The following PDSS2 variants were observed in gnomAD, a reference collection of about 807,000 sequenced individuals.
The protein encoded by PDSS2 is decaprenyl diphosphate synthase subunit 2.
PDSS2 carries 31 observed loss-of-function variants against 44.5 expected under a neutral mutation model. The ratio of observed to expected loss-of-function variants is 0.70; its 90% CI spans 0.52 to 0.94. The LOEUF (loss-of-function observed/expected upper bound fraction) is 0.94. Ranked by LOEUF, PDSS2 falls within the 40% of genes least tolerant of loss-of-function variation. The pLI is 0.00. For missense variants in PDSS2, 452 were observed against 482.2 expected, an observed-to-expected ratio of 0.94 and a Z score of 0.59; for synonymous variants, 157 against 180.3, an observed-to-expected ratio of 0.87 and a Z score of 1.03.
chr6:107,310,245 A>G (rs1410453050), intron 2 of PDSS2, among the ~76,000 whole-genome samples: 1 of 146,696 alleles, frequency 6.8e-6, no homozygotes, highest in African/African-American at 2.5e-5. Context: ...AGATCACGCT[A>G]CTGCACTCCA....
chr6:107,337,039 C>CCACACACACACACA (rs71861456), intron 1 of PDSS2, among the ~76,000 whole-genome samples: 6 of 141,498 alleles, frequency 4.2e-5, no homozygotes, highest in Admixed American at 1.4e-4. Flanking sequence ...CTTTCACATA[C>CCACACACACACACA]CACACACACA....
chr6:107,424,928 G>A (rs1021900160), intron 1 of PDSS2, among the ~76,000 whole-genome samples: 4 of 152,150 alleles, frequency 2.6e-5, no homozygotes, highest in Admixed American at 2.6e-4. Flanking sequence ...ATGTGCCGTG[G>A]GAGGAACCCA....
intron 7 of PDSS2, among the ~76,000 whole-genome samples, chr6:107,190,097 C>A (rs113906760): frequency 2.7e-5 from 4 of 145,764 alleles, no homozygotes; most frequent in Admixed American, 7.0e-5. Context: ...AAAAAAAAAA[C>A]AAAAATAACC....
At chr6:107,221,006 T>C (rs962943004) in intron 4 of PDSS2, among the ~76,000 whole-genome samples, 4 of 152,080 alleles carry the variant, frequency 2.6e-5, no homozygotes, top group African/African-American at 9.7e-5. Context: ...TATACAGAAT[T>C]GTGAAATGAA....
intron 1 of PDSS2, among the ~76,000 whole-genome samples, chr6:107,418,265 G>A (rs995183192): frequency 2.0e-5 from 3 of 152,178 alleles, no homozygotes; most frequent in Non-Finnish European, 4.4e-5. Context: ...AGGCAGGAGG[G>A]TCAGATTGAG....
chr6:107,244,608 C>G (rs1403227315), intron 4 of PDSS2, among the ~76,000 whole-genome samples: 2 of 152,182 alleles, frequency 1.3e-5, no homozygotes, highest in Admixed American at 6.5e-5. Flanking sequence ...AAGTGCAATT[C>G]TTCATATTCT....
intron 3 of PDSS2, chr6:107,264,385 A>ACTAATG (rs1348361932): frequency 6.5e-7 from 1 of 1,545,392 alleles, no homozygotes; most frequent in South Asian, 1.2e-5. Flanking sequence ...AGTATAAATC[A>ACTAATG]CTAATGCTTA....
intron 2 of PDSS2, among the ~76,000 whole-genome samples, chr6:107,296,577 A>G (rs1582906660): frequency 6.6e-6 from 1 of 152,256 alleles, no homozygotes; most frequent in African/African-American, 2.4e-5. Context: ...AATATAAAAA[A>G]TTAGCTGGGC....
intron 1 of PDSS2, among the ~76,000 whole-genome samples, chr6:107,406,037 T>C (rs1486944953): frequency 6.6e-6 from 1 of 152,130 alleles, no homozygotes; most frequent in East Asian, 1.9e-4. Context: ...TACTTGTACC[T>C]CCTATATTAA....
chr6:107,230,637 G>C (rs1774013240), intron 4 of PDSS2, among the ~76,000 whole-genome samples: 1 of 151,824 alleles, frequency 6.6e-6, no homozygotes, highest in African/African-American at 2.4e-5. Flanking sequence ...TGCTCCAAGG[G>C]TCTCTCACTC....
At chr6:107,446,269 T>C (rs574162087) in intron 1 of PDSS2, among the ~76,000 whole-genome samples, 1 of 151,774 alleles carries the variant, frequency 6.6e-6, no homozygotes, top group Middle Eastern at 3.4e-3. Context: ...TGAGTCAAGA[T>C]TGCACCACTG....
chr6:107,264,271 T>C (rs2114898598), intron 3 of PDSS2: 1 of 1,366,726 alleles, frequency 7.3e-7, no homozygotes. Context: ...ACAAACAAAA[T>C]ACTTCATTTT....
At chr6:107,251,466 C>T (rs959931325) in intron 3 of PDSS2, among the ~76,000 whole-genome samples, 1 of 152,170 alleles carries the variant, frequency 6.6e-6, no homozygotes, top group Non-Finnish European at 1.5e-5. Flanking sequence ...CTGCTTTGAG[C>T]TGCTAGCAAA....
chr6:107,334,723 A>C (rs978749537), intron 1 of PDSS2, among the ~76,000 whole-genome samples: 13 of 151,474 alleles, frequency 8.6e-5, no homozygotes, highest in African/African-American at 2.4e-4. Flanking sequence ...AAAAAAAAAA[A>C]AAAACGTAGA....
chr6:107,294,347 C>G (rs544466250), intron 2 of PDSS2, among the ~76,000 whole-genome samples: 2 of 152,142 alleles, frequency 1.3e-5, no homozygotes, highest in African/African-American at 4.8e-5. Context: ...AAATGTCCCC[C>G]CAAATACTTC....
intron 7 of PDSS2, among the ~76,000 whole-genome samples, chr6:107,167,300 T>C (rs1211528826): frequency 6.6e-6 from 1 of 152,232 alleles, no homozygotes; most frequent in African/African-American, 2.4e-5. Flanking sequence ...TGGTAGTTTG[T>C]ATTTCTGTGG....
At chr6:107,330,827 C>T (rs1777689281) in intron 2 of PDSS2, among the ~76,000 whole-genome samples, 1 of 152,144 alleles carries the variant, frequency 6.6e-6, no homozygotes, top group African/African-American at 2.4e-5. Flanking sequence ...GTTTACAGTA[C>T]ATTTTTATAA....
intron 1 of PDSS2, among the ~76,000 whole-genome samples, chr6:107,401,008 G>A (rs755601406): frequency 1.2e-4 from 18 of 152,124 alleles, no homozygotes; most frequent in African/African-American, 1.7e-4. Context: ...AGCCCAGCCC[G>A]TTGCATGGGA....
chr6:107,360,882 C>T (rs1270550414), intron 1 of PDSS2, among the ~76,000 whole-genome samples: 1 of 152,118 alleles, frequency 6.6e-6, no homozygotes, highest in Non-Finnish European at 1.5e-5. Flanking sequence ...GGCAGTATTT[C>T]CTTTAACAAA....
Sources: gnomAD v4.1 joint callset for allele counts (sites outside exome capture counted in the v4.1 genomes callset) on GRCh38, gnomAD v4.1.1 for gene constraint, MANE v1.5 for transcripts, NCBI Gene and HGNC (gene_info 2026-07-23, HGNC 2026-07-21) for gene names.